The following ACSS3 variants were observed in gnomAD, a reference collection of about 807,000 sequenced individuals.
The protein encoded by ACSS3 is acyl-CoA synthetase short chain family member 3, also known as acyl-CoA synthetase short-chain family member 3, mitochondrial.
In ACSS3, 64 loss-of-function variants were observed where a neutral mutation model predicts 84.2. That is an observed-to-expected ratio of 0.76 (90% CI 0.62 to 0.94). ACSS3 has a LOEUF of 0.94. Among genes scored for constraint, ACSS3 ranks in the 40% least tolerant of loss-of-function variants. The pLI is 0.00. For synonymous variants in ACSS3, 317 were observed against 310.1 expected (o/e 1.02, Z -0.23); for missense variants, 815 against 867.6 (o/e 0.94, Z 0.76).
At chr12:81,241,749 T>C (rs1326815319) in intron 13 of ACSS3, among the ~76,000 whole-genome samples, 2 of 152,108 alleles carry the variant, frequency 1.3e-5, no homozygotes, top group East Asian at 1.9e-4. Flanking sequence ...CTTTGTCAGA[T>C]GAGTAGGTTG....
chr12:81,124,377 A>G (rs1884902411), intron 2 of ACSS3: 1 of 152,064 alleles, frequency 6.6e-6, no homozygotes, highest in Admixed American at 6.6e-5. Context: ...TTTTTAGTTT[A>G]ACCACACAAC....
intron 2 of ACSS3, 57 bp downstream of exon 2, chr12:81,109,761 A>G: frequency 7.4e-7 from 1 of 1,354,700 alleles, no homozygotes; most frequent in Non-Finnish European, 9.9e-7. Flanking sequence ...TTACTTAAAT[A>G]GCATACATTC....
chr12:81,216,964 G>A lies in ACSS3; in HGVS notation c.1418G>A (p.Gly473Glu), dbSNP rs1483983371. 6.2e-7 allele frequency: 1 copy of A among 1,611,204 alleles called. No individual in the cohort carries two copies. The highest frequency in any genetic ancestry group is 2.2e-5 in the East Asian group (1 of 44,792). ...GGCAATTCTAAAACACCTCCACCAGGGCAAGCAGGAAAAAGCGTCCCAGGA... is the reference window on the plus strand; with the variant it reads ...GGCAATTCTAAAACACCTCCACCAGAGCAAGCAGGAAAAAGCGTCCCAGGA... ...GLGNSKTPPP[G>E]QAGKSVPGYN... Residue 473 changes from glycine (G) to glutamate (E), a missense_variant, in exon 10 of 16, where the codon GGG becomes GAG. By Grantham distance (98) the Gly-to-Glu change is moderately conservative. Coordinates refer to ENST00000548058, the MANE Select transcript of ACSS3 (RefSeq NM_024560.4).
chr12:81,114,139 G>A (rs997618120), intron 2 of ACSS3, among the ~76,000 whole-genome samples: 2 of 151,878 alleles, frequency 1.3e-5, no homozygotes, highest in African/African-American at 4.8e-5. Context: ...TCCCCTGAAG[G>A]GCATTTGAGC....
At chr12:81,210,817 A>G (rs2032561098) in intron 9 of ACSS3, among the ~76,000 whole-genome samples, 1 of 152,208 alleles carries the variant, frequency 6.6e-6, no homozygotes, top group African/African-American at 2.4e-5. Context: ...TACTAAAGAT[A>G]AATCATGATA....
intron 1 of ACSS3, among the ~76,000 whole-genome samples, chr12:81,093,645 C>A (rs1881821964): frequency 6.6e-6 from 1 of 151,258 alleles, no homozygotes; most frequent in Admixed American, 6.6e-5. Context: ...CAAGAAGTTG[C>A]AAAAATAATG....
At chr12:81,230,885 G>A (rs998017397) in intron 11 of ACSS3, among the ~76,000 whole-genome samples, 172 bp from the exon 12 acceptor site, 1 of 151,684 alleles carries the variant, frequency 6.6e-6, no homozygotes, top group Non-Finnish European at 1.5e-5. Flanking sequence ...CTGTACAATG[G>A]TCAGCTACAT....
intron 8 of ACSS3, among the ~76,000 whole-genome samples, chr12:81,185,693 G>C (rs2031217194): frequency 6.6e-6 from 1 of 151,616 alleles, no homozygotes; most frequent in South Asian, 2.1e-4. Flanking sequence ...AAATATTGAT[G>C]AAAGAAATTG....
chr12:81,199,268 GT>G, intron 8 of ACSS3, 72 bp from the exon 9 acceptor site: 1 of 1,356,648 alleles, frequency 7.4e-7, no homozygotes, highest in Admixed American at 2.0e-5. Flanking sequence ...GTTAACCAAT[GT>G]TTTTAAAATG....
At chr12:81,099,361 A>G (rs1421039229) in intron 1 of ACSS3, among the ~76,000 whole-genome samples, 1 of 152,214 alleles carries the variant, frequency 6.6e-6, no homozygotes, top group Admixed American at 6.5e-5. Context: ...GAAAGTAAAT[A>G]TAAACCTGAA....
intron 7 of ACSS3, among the ~76,000 whole-genome samples, chr12:81,172,477 T>A (rs906784184): frequency 1.3e-5 from 2 of 151,534 alleles, no homozygotes; most frequent in African/African-American, 4.8e-5. Context: ...GCTGTAGTAT[T>A]TCGGGCATGC....
intron 7 of ACSS3, among the ~76,000 whole-genome samples, chr12:81,152,987 T>C (rs1886685857): frequency 6.6e-6 from 1 of 152,210 alleles, no homozygotes; most frequent in Admixed American, 6.5e-5. Context: ...CCATGTGCAA[T>C]GATGTAATCT....
intron 9 of ACSS3, among the ~76,000 whole-genome samples, chr12:81,203,375 C>T (rs369602643): frequency 6.6e-6 from 1 of 152,144 alleles, no homozygotes; most frequent in African/African-American, 2.4e-5. Context: ...CACAACCAAA[C>T]ATAATGCTTT....
chr12:81,111,241 A>G (rs899832203), intron 2 of ACSS3, among the ~76,000 whole-genome samples: 1 of 152,210 alleles, frequency 6.6e-6, no homozygotes, highest in Admixed American at 6.5e-5. Context: ...AAATTGTCCA[A>G]TAACTAGACT....
At chr12:81,132,277 A>C (rs1425182287) in intron 2 of ACSS3, among the ~76,000 whole-genome samples, 1 of 151,956 alleles carries the variant, frequency 6.6e-6, no homozygotes, top group Non-Finnish European at 1.5e-5. Flanking sequence ...TTTGGTTGGT[A>C]GGCTATTAAT....
chr12:81,187,675 A>G (rs2031346244), intron 8 of ACSS3, among the ~76,000 whole-genome samples: 1 of 151,990 alleles, frequency 6.6e-6, no homozygotes, highest in Non-Finnish European at 1.5e-5. Flanking sequence ...AAAAAAAATT[A>G]TAGTTTATAC....
intron 7 of ACSS3, among the ~76,000 whole-genome samples, chr12:81,161,825 C>A (rs796319553): frequency 6.6e-6 from 1 of 152,104 alleles, no homozygotes; most frequent in East Asian, 1.9e-4. Flanking sequence ...GCGTGGGGTC[C>A]AGCCACTGCA....
At chr12:81,167,922 T>C (rs1413391759) in intron 7 of ACSS3, among the ~76,000 whole-genome samples, 2 of 152,154 alleles carry the variant, frequency 1.3e-5, no homozygotes, top group Non-Finnish European at 1.5e-5. Context: ...GCCTGAGGAA[T>C]TGCAACTATG....
At chr12:81,144,646 A>T (rs1009073983) in intron 5 of ACSS3, among the ~76,000 whole-genome samples, 1 of 152,168 alleles carries the variant, frequency 6.6e-6, no homozygotes, top group Non-Finnish European at 1.5e-5. Context: ...TTAATTTTTA[A>T]AAAATTTAGT....
Sources: allele counts gnomAD v4.1 joint callset (sites outside exome capture counted in the v4.1 genomes callset), GRCh38; gene constraint gnomAD v4.1.1; transcripts MANE v1.5; gene names NCBI Gene and HGNC (gene_info 2026-07-23, HGNC 2026-07-21).